The following PIK3C3 variants were observed in gnomAD, a reference collection of about 807,000 sequenced individuals.
The protein encoded by PIK3C3 is phosphatidylinositol 3-kinase catalytic subunit type 3, also known as PI3-kinase type 3.
A neutral mutation model predicts 126.1 loss-of-function variants in PIK3C3; 95 were observed. The ratio of observed to expected loss-of-function variants is 0.75; its 90% CI spans 0.64 to 0.89. The LOEUF (loss-of-function observed/expected upper bound fraction) is 0.89, where lower values mean the gene tolerates loss of function less well. Among genes scored for constraint, PIK3C3 ranks in the 40% least tolerant of loss-of-function variants. The pLI is 0.00. For missense variants in PIK3C3, 829 were observed against 1,063.2 expected (o/e 0.78, Z 3.06); for synonymous variants, 374 against 360.0 (o/e 1.04, Z -0.44).
At position 42,068,927 on chromosome 18, in the gene PIK3C3, G is replaced by A. The variant is rs558714832; in HGVS notation, c.2649+1414G>A. On this transcript the variant is annotated intron_variant, in intron 24 of 24. Transcript: ENST00000262039. ...ATTGTGCCACTGTACTCCAGCCTGG[G>A]CAACAGAGCGAGACTCCGTCTCAAA... Among the ~76,000 whole-genome samples, 371 of 140,280 alleles carry A rather than the reference G, an allele frequency of 2.6e-3. 2 individuals carry two copies. Among genetic ancestry groups the A allele is most frequent in the African/African-American group, 9.3e-3 (357 of 38,200 alleles). 92.0% of individuals were successfully genotyped at this position (140,280 alleles called of 152,430 possible). A position where few individuals can be genotyped will look rare whatever the true frequency, so the allele number is the denominator to read the frequency against.
At chr18:42,064,701 T>C in intron 22 of PIK3C3, 39 bp from the exon 23 acceptor site, 3 of 953,802 alleles carry the variant, frequency 3.1e-6, no homozygotes, top group Non-Finnish European at 5.1e-6. Flanking sequence ...TGCAGAATTC[T>C]TAATCGTTGC....
chr18:41,966,189 T>C (rs967809191), intron 3 of PIK3C3, among the ~76,000 whole-genome samples: 2 of 145,754 alleles, frequency 1.4e-5, no homozygotes, highest in African/African-American at 5.1e-5. Context: ...TTTTTTTTTT[T>C]TTTTTTTTTT....
intron 21 of PIK3C3, chr18:42,052,788 C>G (rs1196003318): frequency 6.6e-6 from 1 of 152,074 alleles, no homozygotes; most frequent in East Asian, 1.9e-4. Context: ...AAAAATGCCT[C>G]GACTGTCATG....
At chr18:41,984,172 A>T (rs2144339737) in intron 4 of PIK3C3, among the ~76,000 whole-genome samples, 1 of 152,232 alleles carries the variant, frequency 6.6e-6, no homozygotes, top group East Asian at 1.9e-4. Context: ...GCTTAACAGA[A>T]TGCAGATTTT....
At chr18:42,013,888 T>TG (rs1434977268) in intron 11 of PIK3C3, among the ~76,000 whole-genome samples, 1 of 151,982 alleles carries the variant, frequency 6.6e-6, no homozygotes, top group Non-Finnish European at 1.5e-5. Context: ...TTCTTAAGAG[T>TG]GGTGATAGCA....
chr18:42,059,769 A>G (rs1985234060), intron 22 of PIK3C3: 1 of 150,760 alleles, frequency 6.6e-6, no homozygotes, highest in Admixed American at 6.6e-5. Flanking sequence ...TATTTGATCA[A>G]CTTTTTTTTT....
intron 10 of PIK3C3, 56 bp downstream of exon 10, chr18:42,004,597 T>C (rs778782315): frequency 1.3e-4 from 181 of 1,350,320 alleles, no homozygotes; most frequent in Non-Finnish European, 1.8e-4. Flanking sequence ...AGAGCCTAAT[T>C]ATAAACTATG....
At chr18:41,992,936 G>A (rs1981849216) in intron 6 of PIK3C3, among the ~76,000 whole-genome samples, 1 of 151,964 alleles carries the variant, frequency 6.6e-6, no homozygotes, top group South Asian at 2.1e-4. Flanking sequence ...TTCTGAGTTT[G>A]AAAATTAGCA....
At chr18:42,029,220 A>G (rs1598910971) in intron 14 of PIK3C3, 105 bp from the exon 15 acceptor site, 1 of 709,698 alleles carries the variant, frequency 1.4e-6, no homozygotes, top group African/African-American at 1.8e-5. Context: ...TTTCTATTTA[A>G]GTTTATAACT....
intron 3 of PIK3C3, among the ~76,000 whole-genome samples, chr18:41,964,256 C>T: frequency 6.6e-6 from 1 of 152,044 alleles, no homozygotes; most frequent in African/African-American, 2.4e-5. Flanking sequence ...AAATAGCATC[C>T]TTATATACTC....
chr18:41,955,789 T>C (rs1416619927), intron 1 of PIK3C3, among the ~76,000 whole-genome samples: 2 of 152,006 alleles, frequency 1.3e-5, no homozygotes, highest in East Asian at 3.9e-4. Flanking sequence ...GATGCGATAG[T>C]TGAGAATAAG....
chr18:41,955,861 ATGGCAG>A (rs35557859), intron 1 of PIK3C3, among the ~76,000 whole-genome samples: 30,589 of 151,770 alleles, frequency 0.2, 3,821 homozygotes, highest in African/African-American at 0.36. Context: ...TTTGGGTAGT[ATGGCAG>A]TGTTTAGTCA....
At chr18:42,000,877 A>G (rs1399787118) in intron 9 of PIK3C3, among the ~76,000 whole-genome samples, 1 of 152,142 alleles carries the variant, frequency 6.6e-6, no homozygotes, top group Non-Finnish European at 1.5e-5. Context: ...TGTCCCTCTC[A>G]TAACACGTGG....
intron 9 of PIK3C3, among the ~76,000 whole-genome samples, chr18:41,997,685 A>G (rs1982093716): frequency 6.6e-6 from 1 of 152,116 alleles, no homozygotes; most frequent in African/African-American, 2.4e-5. Flanking sequence ...AAATCCCATA[A>G]CAACCCCACA....
At chr18:42,042,036 G>C (rs1984344967) in intron 19 of PIK3C3, among the ~76,000 whole-genome samples, 1 of 152,128 alleles carries the variant, frequency 6.6e-6, no homozygotes, top group Admixed American at 6.5e-5. Context: ...AATTGATAAG[G>C]GTGGTTCGCT....
chr18:42,070,664 G>A (rs974743069), intron 24 of PIK3C3: 5 of 152,074 alleles, frequency 3.3e-5, no homozygotes, highest in African/African-American at 1.2e-4. Context: ...TAAAACATCT[G>A]TTTTTGATAT....
rs376188539 is a variant in PIK3C3 at position 41,970,446 on chromosome 18, G to A, written c.521G>A (p.Arg174His). 378 of 1,613,784 alleles carry A rather than the reference G, an allele frequency of 2.3e-4. No individual in the cohort carries two copies. Among genetic ancestry groups the A allele is most frequent in the Non-Finnish European group, 2.9e-4 (343 of 1,179,892 alleles). ...SSTLSEDQMSRLAKLTKAHRQ... is the reference protein window; with the variant it reads ...SSTLSEDQMSHLAKLTKAHRQ... ...ACTCTCTCAGAAGATCAGATGAGCCGTCTTGCCAAGGTAAAAAAAGTCATT... is the reference window on the plus strand; with the variant it reads ...ACTCTCTCAGAAGATCAGATGAGCCATCTTGCCAAGGTAAAAAAAGTCATT... The change falls in exon 4 of 25, where the codon CGT (arginine) becomes CAT (histidine). Residue 174 changes from arginine (R) to histidine (H), a missense_variant. Physicochemically the swap from Arg to His is conservative, Grantham distance 29 (BLOSUM62 0). This residue lies in a region of PIK3C3 where 313 missense variants were observed against 340.7 expected (regional missense o/e 0.92). Coordinates refer to ENST00000262039, the MANE Select transcript of PIK3C3 (RefSeq NM_002647.4).
In PIK3C3 at chr18:41,957,761, A is replaced by G. The variant is rs1979862349; in HGVS notation, c.257+3A>G. The G allele has an allele frequency of 2.2e-5, 36 of 1,606,352 alleles. No individual in the cohort carries two copies. Among genetic ancestry groups the G allele is most frequent in the Non-Finnish European group, 3.1e-5 (36 of 1,177,360 alleles). On this transcript the variant is annotated splice_donor_region_variant and intron_variant, in intron 2 of 24. Transcript: ENST00000262039. ...AAAGCATTTAGTACAAGATGGAAGT[A>G]AGTTTTTTTGTGGCATATGGTATGT...
chr18:41,962,476 T>C lies in PIK3C3; in HGVS notation c.258-13T>C. ...ATATGTATTTCTGATTTATGTTAAC[T>C]TCATTTCCATAGCTGGAATGAATGG... On this transcript the variant is annotated splice_polypyrimidine_tract_variant and intron_variant, in intron 2 of 24. Transcript: ENST00000262039. 6.3e-7 allele frequency: 1 copy of C among 1,598,694 alleles called. No individual in the cohort carries two copies. Among genetic ancestry groups the C allele is most frequent in the Non-Finnish European group, 8.5e-7 (1 of 1,172,054 alleles).
Sources: gnomAD v4.1 joint callset for allele counts (sites outside exome capture counted in the v4.1 genomes callset) on GRCh38, gnomAD v4.1.1 for gene constraint, gnomAD v4.1.1 regional missense constraint, MANE v1.5 for transcripts, NCBI Gene and HGNC (gene_info 2026-07-23, HGNC 2026-07-21) for gene names.